Variants in PRSS23 observed in about 807,000 individuals in gnomAD.
PRSS23 encodes the protein protease, serine 23.
Under a neutral mutation model 34.7 loss-of-function variants are expected in PRSS23, and 25 were observed. The ratio of observed to expected loss-of-function variants is 0.72; its 90% CI spans 0.53 to 1.01. The LOEUF is 1.01. PRSS23 is among the 50% of genes least tolerant of loss of function. The probability of loss-of-function intolerance (pLI) is 0.00; values close to 1 mark genes in which losing one functional copy is unlikely to be tolerated. For missense variants in PRSS23, 445 were observed against 475.6 expected (o/e 0.94, Z 0.60); for synonymous variants, 176 against 186.6 (o/e 0.94, Z 0.46).
At chr11:86,920,599 AGAG>A (rs1949041944) in intron 2 of PRSS23, among the ~76,000 whole-genome samples, 1 of 152,208 alleles carries the variant, frequency 6.6e-6, no homozygotes, top group Non-Finnish European at 1.5e-5. Flanking sequence ...GGAGTTTGCC[AGAG>A]GAGACTCTTC....
At chr11:86,931,805 C>A (rs1055368706) in intron 2 of PRSS23, among the ~76,000 whole-genome samples, 1 of 149,772 alleles carries the variant, frequency 6.7e-6, no homozygotes, top group South Asian at 2.1e-4. Flanking sequence ...TCGTTCTCAG[C>A]GTGCTTTTTA....
chr11:86,792,750 T>C (rs1348089090), intron 1 of PRSS23, among the ~76,000 whole-genome samples: 1 of 152,026 alleles, frequency 6.6e-6, no homozygotes, highest in Non-Finnish European at 1.5e-5. Flanking sequence ...TGTAGACAGA[T>C]GGATATGAAA....
At chr11:86,876,074 T>C (rs72957509) in intron 2 of PRSS23, among the ~76,000 whole-genome samples, 5,617 of 152,320 alleles carry the variant, frequency 0.037, 133 homozygotes, top group Non-Finnish European at 0.054. Context: ...CTGAGACTTA[T>C]TTTCCACACA....
intron 2 of PRSS23, among the ~76,000 whole-genome samples, chr11:86,877,110 G>C (rs561964880): frequency 6.6e-6 from 1 of 152,328 alleles, no homozygotes; most frequent in South Asian, 2.1e-4. Flanking sequence ...TGCAGTATAA[G>C]TGTTTAGCCC....
exon 3 of PRSS23, chr11:86,952,071 G>C: frequency 2.5e-6 from 4 of 1,614,078 alleles, no homozygotes; most frequent in Non-Finnish European, 3.4e-6. Flanking sequence ...ATGAAACACA[G>C]GCTGGCCCAC....
At chr11:86,920,461 A>G (rs1949040931) in intron 2 of PRSS23, among the ~76,000 whole-genome samples, 1 of 152,230 alleles carries the variant, frequency 6.6e-6, no homozygotes, top group African/African-American at 2.4e-5. Flanking sequence ...TTGCCATGCA[A>G]TAAGGTAAGC....
chr11:86,878,130 A>C (rs1480266643), intron 2 of PRSS23, among the ~76,000 whole-genome samples: 1 of 152,130 alleles, frequency 6.6e-6, no homozygotes, highest in Admixed American at 6.5e-5. Context: ...CCAAAACTAA[A>C]ATTGTTTTTT....
chr11:86,949,957 A>C, intron 2 of PRSS23: 1 of 152,512 alleles, frequency 6.6e-6, no homozygotes, highest in East Asian at 1.9e-4. Context: ...CATTGTCCTA[A>C]GTAGACCAGA....
Position 86,910,464 on chromosome 11 carries a change from T to A in PRSS23, c.207-40752T>A, listed in dbSNP as rs373529305. ...CCGTAAAAAGACTCTGCTACAAAAC[T>A]TAGATTGCACGTAGGTAGAATATGT... On this transcript the variant is annotated intron_variant, in intron 2 of 2. Coordinates refer to the PRSS23 transcript ENST00000533902. 2.0e-5 allele frequency: 3 copies of A among 152,204 alleles called. No homozygotes were observed. In the East Asian group the frequency reaches 5.8e-4, roughly 29 times the overall value. 9.4% of individuals were successfully genotyped at this position (152,204 alleles called of 1,614,324 possible). A position where few individuals can be genotyped will look rare whatever the true frequency, so the allele number is the denominator to read the frequency against.
chr11:86,799,417 G>A (rs892803383), upstream of PRSS23, among the ~76,000 whole-genome samples: 1 of 152,196 alleles, frequency 6.6e-6, no homozygotes. Context: ...AAGCTAAGTA[G>A]CTTGATAGAA....
chr11:86,826,869 T>C (rs1948305629), intron 2 of PRSS23, among the ~76,000 whole-genome samples: 1 of 152,224 alleles, frequency 6.6e-6, no homozygotes, highest in Non-Finnish European at 1.5e-5. Context: ...GATAAGCTTT[T>C]TGATGTGCTG....
intron 2 of PRSS23, among the ~76,000 whole-genome samples, chr11:86,869,166 A>G (rs75081631): frequency 0.048 from 7,273 of 152,310 alleles, 200 homozygotes; most frequent in Middle Eastern, 0.12. Flanking sequence ...AGCTATGCAA[A>G]TGACTGTTGT....
At chr11:86,879,820 TG>T (rs1306375048) in intron 2 of PRSS23, among the ~76,000 whole-genome samples, 13,020 of 30,418 alleles carry the variant, frequency 0.43, 2,111 homozygotes, top group East Asian at 0.57. Context: ...GGGAGGGAGG[TG>T]GGGGGGGTCA....
At chr11:86,916,334 T>C (rs115458743) in intron 2 of PRSS23, among the ~76,000 whole-genome samples, 5,425 of 152,206 alleles carry the variant, frequency 0.036, 323 homozygotes, top group African/African-American at 0.12. Context: ...TAATAAATAG[T>C]GAATGTTTTC....
rs1948580873 is a variant in PRSS23, at chr11:86,857,581, G to A, written c.206+33988G>A. The A allele has an allele frequency of 6.1e-6, 3 of 491,584 alleles. No individual in the cohort carries two copies. The Admixed American group carries it at 6.7e-5, about 11-fold the overall frequency. 30.5% of individuals were successfully genotyped at this position (491,584 alleles called of 1,614,324 possible). On this transcript the variant is annotated intron_variant, in intron 2 of 2. Transcript: ENST00000533902. ...GGAAAAAGGACACCAAAACTAAGAA[G>A]ACACAGAGGTGAGGATTCATGATGA...
At chr11:86,874,504 C>T (rs1174939630) in intron 2 of PRSS23, among the ~76,000 whole-genome samples, 1 of 152,206 alleles carries the variant, frequency 6.6e-6, no homozygotes, top group Non-Finnish European at 1.5e-5. Context: ...CTGGGACCAT[C>T]CGCCAGTCAT....
chr11:86,897,633 G>GT (rs1024009881), intron 2 of PRSS23, among the ~76,000 whole-genome samples: 20 of 149,592 alleles, frequency 1.3e-4, no homozygotes, highest in South Asian at 2.1e-4. Flanking sequence ...CCCCTGGCTA[G>GT]TTTTTTTTTG....
chr11:86,802,446 C>T (rs1948051300), intron 1 of PRSS23, among the ~76,000 whole-genome samples: 1 of 152,204 alleles, frequency 6.6e-6, no homozygotes, highest in Non-Finnish European at 1.5e-5. Flanking sequence ...AAAACGAGAA[C>T]AAGCCCGACT....
In PRSS23 at chr11:86,830,876, A is replaced by T. The variant is rs188721214; in HGVS notation, c.206+7283A>T. On this transcript the variant is annotated intron_variant, in intron 2 of 2. Transcript: ENST00000533902. Reference sequence around the variant, plus strand: ...TTCCTCCTAATGTCATCAGGGGTGTACACCCTGTGACATCATTTGAAATAT... The same window carrying T: ...TTCCTCCTAATGTCATCAGGGGTGTTCACCCTGTGACATCATTTGAAATAT... Among the ~76,000 whole-genome samples the T allele has an allele frequency of 1.0e-3, 154 of 152,198 alleles. 5 individuals are homozygous for T. In the South Asian group the frequency reaches 0.018, roughly 18 times the overall value.
Sources: allele counts gnomAD v4.1 joint callset (sites outside exome capture counted in the v4.1 genomes callset), GRCh38; gene constraint gnomAD v4.1.1; transcripts MANE v1.5; gene names NCBI Gene and HGNC (gene_info 2026-07-23, HGNC 2026-07-21).